PRKN: variants seen among roughly 807,000 people sequenced by gnomAD.
The protein encoded by PRKN is E3 ubiquitin-protein ligase parkin.
In PRKN, 56 loss-of-function variants were observed where a neutral mutation model predicts 59.5. That is an observed-to-expected ratio of 0.94 (90% confidence interval 0.76 to 1.18). The LOEUF is 1.18. PRKN is among the 50% of genes most tolerant of loss of function. The pLI, the probability that PRKN is intolerant of heterozygous loss-of-function variation, is 0.00. For missense variants in PRKN, 657 were observed against 596.4 expected, an observed-to-expected ratio of 1.10 and a Z score of -1.06; for synonymous variants, 250 against 222.1, an observed-to-expected ratio of 1.13 and a Z score of -1.12.
intron 3 of PRKN, among the ~76,000 whole-genome samples, chr6:162,244,771 T>C (rs150709114): frequency 1.7e-3 from 264 of 152,244 alleles, no homozygotes; most frequent in Non-Finnish European, 2.9e-3. Flanking sequence ...TCTAATCAAG[T>C]ACACATAAAC....
At position 161,708,235 on chromosome 6, in the gene PRKN, A is replaced by T. The variant is rs538579887; in HGVS notation, c.871+77537T>A. ...GTTTTTAGAAGCTTGTGAATTTTTT[A>T]AAAAATCCTTAAAAATGACTGTCTG... On this transcript the variant is annotated intron_variant, in intron 7 of 11. Coordinates refer to ENST00000366898, the MANE Select transcript of PRKN (RefSeq NM_004562.3). 1.1e-4 allele frequency among the ~76,000 whole-genome samples: 17 copies of T among 152,294 alleles called. No homozygotes were observed. The East Asian group carries it at 2.9e-3, about 26-fold the overall frequency.
chr6:161,798,838 G>C, intron 6 of PRKN, among the ~76,000 whole-genome samples: 1 of 152,108 alleles, frequency 6.6e-6, no homozygotes, highest in Admixed American at 6.5e-5. Flanking sequence ...CATGGAAGAA[G>C]AGCCTGTGCA....
At chr6:161,647,984 T>C (rs1275537936) in intron 7 of PRKN, among the ~76,000 whole-genome samples, 2 of 152,252 alleles carry the variant, frequency 1.3e-5, no homozygotes, top group Non-Finnish European at 2.9e-5. Context: ...TTTATGGCTA[T>C]AGCATTGCTA....
At chr6:161,998,728 T>C (rs1781935475) in intron 5 of PRKN, among the ~76,000 whole-genome samples, 1 of 152,160 alleles carries the variant, frequency 6.6e-6, no homozygotes, top group Non-Finnish European at 1.5e-5. Flanking sequence ...CTTGAGAGAA[T>C]AAAAGATAGT....
At chr6:161,753,081 G>C (rs889374875) in intron 7 of PRKN, among the ~76,000 whole-genome samples, 3 of 152,214 alleles carry the variant, frequency 2.0e-5, no homozygotes, top group Non-Finnish European at 4.4e-5. Context: ...GAGAATCCAA[G>C]TGGAGTTTTC....
chr6:161,776,571 C>T (rs1469628778), intron 7 of PRKN, among the ~76,000 whole-genome samples: 3 of 152,200 alleles, frequency 2.0e-5, no homozygotes, highest in Non-Finnish European at 4.4e-5. Context: ...AGACTGCCCA[C>T]CCCAGAGTAG....
chr6:162,105,510 T>G (rs2128300575), intron 4 of PRKN, among the ~76,000 whole-genome samples: 1 of 152,340 alleles, frequency 6.6e-6, no homozygotes, highest in Non-Finnish European at 1.5e-5. Flanking sequence ...CGAGCAATTC[T>G]CCTGCCTCAG....
intron 10 of PRKN, among the ~76,000 whole-genome samples, chr6:161,381,595 A>AT (rs1785987939): frequency 6.6e-6 from 1 of 152,230 alleles, no homozygotes; most frequent in African/African-American, 2.4e-5. Flanking sequence ...TACTGTGGAA[A>AT]TCTAATTTTC....
chr6:161,952,694 C>A (rs1425300226), intron 6 of PRKN, among the ~76,000 whole-genome samples: 1 of 152,114 alleles, frequency 6.6e-6, no homozygotes, highest in Non-Finnish European at 1.5e-5. Context: ...AGCAATGGAA[C>A]AGAAGTAAAA....
intron 2 of PRKN, among the ~76,000 whole-genome samples, chr6:162,436,500 C>T (rs906568947): frequency 5.3e-5 from 8 of 151,604 alleles, no homozygotes; most frequent in Admixed American, 3.3e-4. Context: ...TTAGTAGAGA[C>T]GGGGTTTCAC....
chr6:162,545,520 C>T (rs1779084413), intron 1 of PRKN, among the ~76,000 whole-genome samples: 1 of 152,068 alleles, frequency 6.6e-6, no homozygotes. Context: ...TTGCCCAATT[C>T]CCATCAGGCA....
intron 6 of PRKN, among the ~76,000 whole-genome samples, chr6:161,897,984 A>AAAAAAAAAAAAAAAAAAAAAAAAAAAAAT (rs1554244227): frequency 7.6e-5 from 9 of 117,658 alleles, no homozygotes; most frequent in African/African-American, 3.7e-4. Context: ...AAAAAAAAAA[A>AAAAAAAAAAAAAAAAAAAAAAAAAAAAAT]GTCTCCCAGT....
chr6:162,384,665 A>G (rs866196454), intron 2 of PRKN, among the ~76,000 whole-genome samples: 1 of 68,406 alleles, frequency 1.5e-5, no homozygotes, highest in Non-Finnish European at 2.9e-5. Flanking sequence ...AAAAAAAACA[A>G]AAAAAAAAAA....
At chr6:162,721,008 A>G (rs966062819) in intron 1 of PRKN, among the ~76,000 whole-genome samples, 2 of 152,238 alleles carry the variant, frequency 1.3e-5, no homozygotes, top group African/African-American at 2.4e-5. Flanking sequence ...ACATTAATCT[A>G]TTCTACAAAA....
chr6:161,860,746 CA>C (rs1793863553), intron 6 of PRKN, among the ~76,000 whole-genome samples: 1 of 152,102 alleles, frequency 6.6e-6, no homozygotes, highest in Admixed American at 6.5e-5. Context: ...CTCTTTAGTT[CA>C]ACCCCATCAA....
Position 162,110,318 on chromosome 6 carries a change from T to C in PRKN, c.535-56144A>G, listed in dbSNP as rs183704201. On this transcript the variant is annotated intron_variant, in intron 4 of 11. Transcript: ENST00000366898. ...GTAAAATGGTCTAGAAGCAAAAACA[T>C]TGGTAGCAACGTTTATGTCTAAATG... Among the ~76,000 whole-genome samples, 27 of 152,226 alleles carry C rather than the reference T, an allele frequency of 1.8e-4. No homozygotes were observed. In the East Asian group the frequency reaches 4.7e-3, roughly 26 times the overall value.
chr6:162,284,217 T>TG (rs1378824877), intron 2 of PRKN, among the ~76,000 whole-genome samples: 5 of 77,196 alleles, frequency 6.5e-5, no homozygotes, highest in Admixed American at 4.7e-4. Context: ...ATTTCTTTCT[T>TG]TTTTTTTTTT....
chr6:162,433,072 T>C (rs1337423177), intron 2 of PRKN, among the ~76,000 whole-genome samples: 1 of 152,202 alleles, frequency 6.6e-6, no homozygotes. Context: ...CCTTTTGCAA[T>C]GTTTTAAAAC....
rs60391138 is a variant in PRKN, at chr6:162,560,853, CAA to C, written c.8-117382_8-117381del. On this transcript the variant is annotated intron_variant, in intron 1 of 11. Transcript: ENST00000366898. Reference sequence around the variant, plus strand: ...CAATTAAAGCCCAGAGAGAGAGAGGCAAAAAAAAAAAAAACCCAGGTCATTAT... The same window carrying C: ...CAATTAAAGCCCAGAGAGAGAGAGGCAAAAAAAAAAAACCCAGGTCATTAT... Among the ~76,000 whole-genome samples, 18 of 56,506 alleles carry C rather than the reference CAA, an allele frequency of 3.2e-4. 1 individual carries two copies. The Admixed American group carries it at 4.8e-3, about 15-fold the overall frequency. The allele number at this position is 56,506 out of a possible 152,430, so 37.1% of individuals were successfully genotyped here. A position where few individuals can be genotyped will look rare whatever the true frequency, so the allele number is the denominator to read the frequency against.
Sources: gnomAD v4.1 joint callset for allele counts (sites outside exome capture counted in the v4.1 genomes callset) on GRCh38, gnomAD v4.1.1 for gene constraint, MANE v1.5 for transcripts, NCBI Gene and HGNC (gene_info 2026-07-23, HGNC 2026-07-21) for gene names.